GLT6D1: variants seen among roughly 807,000 people sequenced by gnomAD.
GLT6D1 encodes the protein glycosyltransferase 6 domain containing 1, also known as putative glycosyltransferase 6 domain-containing protein 1.
Under a neutral mutation model 12.3 loss-of-function variants are expected in GLT6D1, and 9 were observed. The observed-to-expected ratio is 0.73, with a 90% CI of 0.44 to 1.27. GLT6D1 has a LOEUF of 1.27. Ranked by LOEUF, GLT6D1 falls within the 50% of genes most tolerant of loss-of-function variation. The pLI is 0.00. For missense variants in GLT6D1, 335 were observed against 346.2 expected (o/e 0.97, Z 0.26); for synonymous variants, 128 against 132.3 (o/e 0.97, Z 0.23).
At chr9:135,627,475 T>A (rs1273263459) in intron 3 of GLT6D1, among the ~76,000 whole-genome samples, 2 of 152,240 alleles carry the variant, frequency 1.3e-5, no homozygotes, top group African/African-American at 4.8e-5. Context: ...ACAACTCATC[T>A]ACTTTCTGTC....
chr9:135,632,524 G>A (rs989178438), intron 2 of GLT6D1, among the ~76,000 whole-genome samples: 2 of 152,066 alleles, frequency 1.3e-5, no homozygotes, highest in African/African-American at 4.8e-5. Context: ...AAACGAAAAG[G>A]GGGAACTTAA....
At chr9:135,638,603 T>A (rs895414505) in intron 2 of GLT6D1, among the ~76,000 whole-genome samples, 2 of 152,182 alleles carry the variant, frequency 1.3e-5, no homozygotes, top group African/African-American at 4.8e-5. Flanking sequence ...GTCTACCTTC[T>A]CCAAATAGAA....
At position 135,624,724 on chromosome 9, in the gene GLT6D1, C is replaced by CTTTTT. The variant is rs72471205; in HGVS notation, c.258-59_258-55dup. The stretch of plus-strand genomic sequence containing the variant: ...TACTTTTCTCTTTTTTCTTTTCTTT[C>CTTTTT]TTTTTTTTTTTTTTTTTTTTTTTGA... On this transcript the variant is annotated intron_variant, in intron 4 of 4. Coordinates refer to ENST00000371763, the MANE Select transcript of GLT6D1 (RefSeq NM_182974.3). 3.2e-4 allele frequency: 181 copies of CTTTTT among 565,498 alleles called. 1 individual carries two copies. Among genetic ancestry groups the CTTTTT allele is most frequent in the African/African-American group, 1.7e-3 (51 of 30,200 alleles). 35.0% of individuals were successfully genotyped at this position (565,498 alleles called of 1,614,324 possible).
At chr9:135,629,212 G>A (rs928294601) in intron 3 of GLT6D1, among the ~76,000 whole-genome samples, 1 of 151,990 alleles carries the variant, frequency 6.6e-6, no homozygotes, top group Non-Finnish European at 1.5e-5. Flanking sequence ...CAAAAATTAG[G>A]ACGTTATTGA....
chr9:135,628,677 G>A (rs57670611), intron 3 of GLT6D1, among the ~76,000 whole-genome samples: 23,668 of 152,030 alleles, frequency 0.16, 2,103 homozygotes, highest in South Asian at 0.25. Flanking sequence ...TTTAGCATTT[G>A]ACATAGTTTA....
intron 3 of GLT6D1, among the ~76,000 whole-genome samples, chr9:135,626,981 A>G (rs10858139): frequency 0.43 from 65,979 of 152,026 alleles, 14,462 homozygotes; most frequent in East Asian, 0.61. Context: ...CCAGAAAAAA[A>G]GTAATAGAGG....
chr9:135,630,112 T>G (rs1339068885), intron 3 of GLT6D1, among the ~76,000 whole-genome samples: 2 of 152,112 alleles, frequency 1.3e-5, no homozygotes, highest in Non-Finnish European at 2.9e-5. Context: ...TTTCTATATG[T>G]CATGTAATTT....
chr9:135,638,319 G>A lies in GLT6D1; in HGVS notation c.71+798C>T, dbSNP rs564789075. 2.6e-5 allele frequency among the ~76,000 whole-genome samples: 4 copies of A among 152,322 alleles called. No individual in the cohort carries two copies. The East Asian group carries it at 5.8e-4, about 22-fold the overall frequency. The stretch of plus-strand genomic sequence containing the variant: ...AATTCTGGGAGATACAATTCAAGTT[G>A]AGATTTGGGTGGGGAAAGAGCCAAA... On this transcript the variant is annotated intron_variant, in intron 2 of 4. Transcript: ENST00000371763.
intron 4 of GLT6D1, 24 bp from the exon 5 acceptor site, chr9:135,624,694 A>AAACTTAC (rs1361678244): frequency 1.5e-6 from 2 of 1,322,978 alleles, no homozygotes; most frequent in African/African-American, 3.1e-5. Context: ...AGTGGGGAAG[A>AAACTTAC]AACTTACTTT....
rs547570995 is a variant in GLT6D1 at position 135,624,361 on chromosome 9, C to T, written c.567G>A (p.Pro189=). 353 of 1,613,822 alleles carry T rather than the reference C, an allele frequency of 2.2e-4. 3 individuals are homozygous for T. In the Middle Eastern group the frequency reaches 3.6e-3, roughly 17 times the overall value. Reference sequence around the variant, plus strand: ...ACCAGGCGTGGAGCTGGGCCACCAACGGGCCCAGGGTCTCCACCCCGAACT... The same window carrying T: ...ACCAGGCGTGGAGCTGGGCCACCAATGGGCCCAGGGTCTCCACCCCGAACT... ...QNEFGVETLG[P]LVAQLHAWWY... Residue 189 remains proline, a synonymous_variant, in exon 5 of 5, where the codon CCG becomes CCA. Transcript: ENST00000371763.
chr9:135,624,724 CTTTTTTTT>C (rs72471205), intron 4 of GLT6D1, 54 bp from the exon 5 acceptor site: 21 of 565,490 alleles, frequency 3.7e-5, no homozygotes, highest in East Asian at 2.5e-4. Context: ...TCTTTTCTTT[CTTTTTTTT>C]TTTTTTTTTT....
intron 2 of GLT6D1, among the ~76,000 whole-genome samples, chr9:135,633,564 T>C (rs1833697615): frequency 6.6e-6 from 1 of 152,170 alleles, no homozygotes; most frequent in African/African-American, 2.4e-5. Context: ...CTGAGATTCC[T>C]TTTCTATAGA....
At chr9:135,632,784 C>T (rs1211251703) in intron 2 of GLT6D1, among the ~76,000 whole-genome samples, 2 of 152,000 alleles carry the variant, frequency 1.3e-5, no homozygotes, top group African/African-American at 4.8e-5. Context: ...TCTCCTGCCT[C>T]AGCACCCCCA....
rs917624100 is a variant in GLT6D1, at chr9:135,639,374, C to T, written c.-88G>A. 1.4e-5 allele frequency: 7 copies of T among 491,406 alleles called. No homozygotes were observed. Among genetic ancestry groups the T allele is most frequent in the African/African-American group, 3.9e-5 (2 of 50,718 alleles). 30.4% of individuals were successfully genotyped at this position (491,406 alleles called of 1,614,324 possible). On this transcript the variant is annotated 5_prime_UTR_variant, in exon 1 of 5. Coordinates refer to ENST00000371763, the MANE Select transcript of GLT6D1 (RefSeq NM_182974.3). ...AAGCCTCTGTTCTCCTTCAAGTGCCCGGGGCTGACTGTTCCCCGTGGGTCA... is the reference window on the plus strand; with the variant it reads ...AAGCCTCTGTTCTCCTTCAAGTGCCTGGGGCTGACTGTTCCCCGTGGGTCA...
chr9:135,627,551 T>G (rs1351193906), intron 3 of GLT6D1, among the ~76,000 whole-genome samples: 1 of 152,208 alleles, frequency 6.6e-6, no homozygotes, highest in Non-Finnish European at 1.5e-5. Context: ...AGACCACATT[T>G]TGTTTATATG....
chr9:135,639,296 AG>A lies in GLT6D1; in HGVS notation c.-11del. On this transcript the variant is annotated 5_prime_UTR_variant, in exon 1 of 5. Transcript: ENST00000371763. Reference sequence around the variant, plus strand: ...TGTATGGGCATTGGACACCAACCTTAGAGGTTGCTTCTAGAATGTTCAGCTG... The same window carrying A: ...TGTATGGGCATTGGACACCAACCTTAAGGTTGCTTCTAGAATGTTCAGCTG... 1.6e-6 allele frequency: 1 copy of A among 619,528 alleles called. No homozygotes were observed. Among genetic ancestry groups the A allele is most frequent in the Non-Finnish European group, 2.8e-6 (1 of 353,800 alleles). The allele number at this position is 619,528 out of a possible 1,614,324, so 38.4% of individuals were successfully genotyped here.
chr9:135,635,527 AC>A (rs1180370792), intron 2 of GLT6D1, among the ~76,000 whole-genome samples: 1 of 151,704 alleles, frequency 6.6e-6, no homozygotes, highest in African/African-American at 2.4e-5. Context: ...GGTGCTAGAA[AC>A]AAGATCTGTT....
chr9:135,629,655 G>A (rs1193762771), intron 3 of GLT6D1, among the ~76,000 whole-genome samples: 1 of 152,112 alleles, frequency 6.6e-6, no homozygotes, highest in East Asian at 1.9e-4. Context: ...TTGTTGATTA[G>A]TTGTTCTGTC....
intron 3 of GLT6D1, among the ~76,000 whole-genome samples, chr9:135,630,707 A>G (rs887487384): frequency 2.0e-5 from 3 of 149,804 alleles, no homozygotes; most frequent in African/African-American, 7.4e-5. Flanking sequence ...CAACAAGAGC[A>G]AAACTCTGTC....
Sources: allele counts gnomAD v4.1 joint callset (sites outside exome capture counted in the v4.1 genomes callset), GRCh38; gene constraint gnomAD v4.1.1; transcripts MANE v1.5; gene names NCBI Gene and HGNC (gene_info 2026-07-23, HGNC 2026-07-21).